MTRES1: variants seen among roughly 807,000 people sequenced by gnomAD.
The protein encoded by MTRES1 is uncharacterized protein C6orf203.
MTRES1 carries 11 observed loss-of-function variants against 17.4 expected under a neutral mutation model. The ratio of observed to expected loss-of-function variants is 0.63; its 90% CI spans 0.40 to 1.05. The LOEUF is 1.05. Ranked by LOEUF, MTRES1 falls within the 50% of genes least tolerant of loss-of-function variation. MTRES1 has a pLI of 0.00. For missense variants in MTRES1, 268 were observed against 276.2 expected (o/e 0.97, Z 0.21); for synonymous variants, 94 against 99.6 (o/e 0.94, Z 0.34).
chr6:107,044,419 C>G, intron 3 of MTRES1, 87 bp downstream of exon 3: 1 of 1,028,998 alleles, frequency 9.7e-7, no homozygotes, highest in Non-Finnish European at 1.5e-6. Context: ...AATTTTCCCT[C>G]TGGCTCCTCT....
chr6:107,037,226 C>T (rs1265067853), intron 1 of MTRES1, among the ~76,000 whole-genome samples: 2 of 152,202 alleles, frequency 1.3e-5, no homozygotes, highest in Admixed American at 6.5e-5. Context: ...CCCGCCACCA[C>T]ACCTGGCTAA....
chr6:107,036,829 G>A (rs167472), intron 1 of MTRES1, among the ~76,000 whole-genome samples: 44,872 of 147,458 alleles, frequency 0.3, 7,035 homozygotes, highest in East Asian at 0.38. Context: ...CAGCCTGGGC[G>A]ACAGAGTGAG....
At chr6:107,037,114 C>G (rs1199076710) in intron 1 of MTRES1, among the ~76,000 whole-genome samples, 3 of 151,912 alleles carry the variant, frequency 2.0e-5, no homozygotes, top group Non-Finnish European at 2.9e-5. Context: ...TTTAATTGTA[C>G]TAATCAATGA....
At chr6:107,046,934 G>T (rs1444631263) in intron 3 of MTRES1, among the ~76,000 whole-genome samples, 2 of 7,662 alleles carry the variant, frequency 2.6e-4, no homozygotes, top group African/African-American at 4.0e-4. Context: ...TCATTCTTGT[G>T]TGTGTGTGTG....
At chr6:107,035,704 A>G (rs1163466143) in intron 1 of MTRES1, among the ~76,000 whole-genome samples, 1 of 152,064 alleles carries the variant, frequency 6.6e-6, no homozygotes, top group Non-Finnish European at 1.5e-5. Flanking sequence ...GCTGGAGTGC[A>G]ATGGCACAAT....
In MTRES1 at chr6:107,039,748, G is replaced by C. The variant is rs782117726; in HGVS notation, c.-12-1G>C. 6.3e-7 allele frequency: 1 copy of C among 1,583,342 alleles called. No homozygotes were observed. Among genetic ancestry groups the C allele is most frequent in the South Asian group, 1.2e-5 (1 of 85,714 alleles). On this transcript the variant is annotated splice_acceptor_variant, in intron 1 of 3. Transcript: ENST00000311381. LOFTEE classifies it low-confidence loss of function (5UTR_SPLICE). ...TAAAACTGATTTATTATCTGTTTCA[G>C]ATTATAAGCGCCATGGCTATGGCTA...
At chr6:107,044,141 T>A in intron 2 of MTRES1, 119 bp from the exon 3 acceptor site, 1 of 664,572 alleles carries the variant, frequency 1.5e-6, no homozygotes, top group Middle Eastern at 4.1e-4. Flanking sequence ...ACAAAAAAAA[T>A]AGATTTGAGG....
At position 107,040,073 on chromosome 6, in the gene MTRES1, G is replaced by T. The variant is rs1364310696; in HGVS notation, c.313G>T (p.Asp105Tyr). 13 of 1,613,576 alleles carry T rather than the reference G, an allele frequency of 8.1e-6. No homozygotes were observed. The Middle Eastern group carries it at 6.6e-4, about 82-fold the overall frequency. ...GTCTCTGCAAAAAGTAGATGAAGAGGACTCTGATGAAGAAAGCCATCATGA... is the reference window on the plus strand; with the variant it reads ...GTCTCTGCAAAAAGTAGATGAAGAGTACTCTGATGAAGAAAGCCATCATGA... ...KKSLQKVDEE[D>Y]SDEESHHDEM... The change falls in exon 2 of 4, where the codon GAC becomes TAC. Residue 105 changes from aspartate (D) to tyrosine (Y), a missense_variant. Transcript: ENST00000311381.
chr6:107,040,635 C>T (rs1774169201), intron 2 of MTRES1: 2 of 164,146 alleles, frequency 1.2e-5, no homozygotes, highest in African/African-American at 4.8e-5. Flanking sequence ...CTTTGAGAGG[C>T]TGAGCTGGGC....
intron 3 of MTRES1, among the ~76,000 whole-genome samples, chr6:107,047,784 G>T (rs183033378): frequency 2.6e-5 from 4 of 152,066 alleles, no homozygotes; most frequent in Non-Finnish European, 5.9e-5. Context: ...TATTCAGGAG[G>T]CTGAGGCAGG....
At chr6:107,030,615 C>T (rs959856609) in intron 1 of MTRES1, among the ~76,000 whole-genome samples, 2 of 152,120 alleles carry the variant, frequency 1.3e-5, no homozygotes, top group Non-Finnish European at 2.9e-5. Context: ...GCTTGTAGAG[C>T]TCATTTTTCC....
intron 3 of MTRES1, among the ~76,000 whole-genome samples, chr6:107,050,836 CAA>C (rs1774577401): frequency 6.6e-6 from 1 of 152,128 alleles, no homozygotes; most frequent in African/African-American, 2.4e-5. Context: ...CTTGGCCTCC[CAA>C]AGTGCTGGGA....
At chr6:107,034,684 A>G (rs1481488608) in intron 1 of MTRES1, among the ~76,000 whole-genome samples, 10 of 152,168 alleles carry the variant, frequency 6.6e-5, no homozygotes, top group African/African-American at 2.2e-4. Context: ...GAAAACAATG[A>G]GCTTTAAGGA....
Position 107,033,029 on chromosome 6 carries a change from C to T in MTRES1, c.-13+4758C>T, listed in dbSNP as rs1323920594. The stretch of plus-strand genomic sequence containing the variant: ...AAGGACTGTGTGTTTTATACCAAGG[C>T]CTACCCAGGAACTTGGCATATGTGG... On this transcript the variant is annotated intron_variant, in intron 1 of 3. Coordinates refer to ENST00000311381, the MANE Select transcript of MTRES1 (RefSeq NM_016487.5). Among the ~76,000 whole-genome samples, 4 of 152,118 alleles carry T rather than the reference C, an allele frequency of 2.6e-5. No individual in the cohort carries two copies. In the East Asian group the frequency reaches 7.7e-4, roughly 29 times the overall value.
chr6:107,029,241 G>A (rs1278983565), intron 1 of MTRES1, among the ~76,000 whole-genome samples: 3 of 149,902 alleles, frequency 2.0e-5, no homozygotes, highest in Admixed American at 6.7e-5. Flanking sequence ...AGGCTGGAGT[G>A]CAGTGGCGCG....
intron 1 of MTRES1, among the ~76,000 whole-genome samples, chr6:107,032,711 T>TA (rs1225496741): frequency 7.9e-5 from 12 of 151,854 alleles, no homozygotes; most frequent in Admixed American, 3.3e-4. Context: ...CTCAAAAAAA[T>TA]AAAAAAATGC....
intron 1 of MTRES1, among the ~76,000 whole-genome samples, chr6:107,029,349 G>A (rs1473462508): frequency 3.9e-5 from 6 of 151,980 alleles, no homozygotes; most frequent in Non-Finnish European, 7.4e-5. Context: ...CACCACGCCC[G>A]GCTAATTTTT....
At chr6:107,047,053 CG>C (rs1554228498) in intron 3 of MTRES1, among the ~76,000 whole-genome samples, 1 of 151,840 alleles carries the variant, frequency 6.6e-6, no homozygotes, top group Non-Finnish European at 1.5e-5. Flanking sequence ...CCACCTGCCT[CG>C]GCCTCCCAAA....
chr6:107,039,313 T>G (rs1023406014), intron 1 of MTRES1, among the ~76,000 whole-genome samples: 11 of 152,004 alleles, frequency 7.2e-5, no homozygotes, highest in African/African-American at 1.7e-4. Context: ...TTTGTTTTTT[T>G]GTTTTTTGGT....
Sources: allele counts gnomAD v4.1 joint callset (sites outside exome capture counted in the v4.1 genomes callset), GRCh38; gene constraint gnomAD v4.1.1; transcripts MANE v1.5; gene names NCBI Gene and HGNC (gene_info 2026-07-23, HGNC 2026-07-21).